FER: variants seen among roughly 807,000 people sequenced by gnomAD.
FER encodes FER tyrosine kinase.
Under a neutral mutation model 111.0 loss-of-function variants are expected in FER, and 63 were observed. The ratio of observed to expected loss-of-function variants is 0.57; its 90% CI spans 0.46 to 0.70. The LOEUF is 0.70. Among genes scored for constraint, FER ranks in the 30% least tolerant of loss-of-function variants. FER has a pLI of 0.00. For synonymous variants in FER, 327 were observed against 313.9 expected (o/e 1.04, Z -0.44); for missense variants, 914 against 954.0 (o/e 0.96, Z 0.55).
intron 16 of FER, among the ~76,000 whole-genome samples, chr5:109,067,252 TTGTTGTTGTTGC>T (rs1035306974): frequency 4.6e-5 from 7 of 151,718 alleles, no homozygotes; most frequent in African/African-American, 1.2e-4. Context: ...GTTGTTGTTG[TTGTTGTTGTTGC>T]TGTTGCTGCT....
intron 17 of FER, among the ~76,000 whole-genome samples, chr5:109,167,098 A>G (rs1756633605): frequency 6.6e-6 from 1 of 152,160 alleles, no homozygotes; most frequent in African/African-American, 2.4e-5. Context: ...CTCTTCTTAT[A>G]GAATTGAACT....
intron 13 of FER, among the ~76,000 whole-genome samples, chr5:109,021,093 C>T (rs1239986721): frequency 6.6e-6 from 1 of 151,894 alleles, no homozygotes; most frequent in African/African-American, 2.4e-5. Context: ...CATCTTTTAT[C>T]AGAAATGCCA....
chr5:109,049,542 C>G (rs533652667), intron 16 of FER, among the ~76,000 whole-genome samples: 8 of 152,080 alleles, frequency 5.3e-5, no homozygotes, highest in Non-Finnish European at 1.0e-4. Flanking sequence ...CTTTCTCTTA[C>G]GTTACTAGCT....
intron 13 of FER, among the ~76,000 whole-genome samples, chr5:109,029,981 C>T (rs1472420606): frequency 6.6e-6 from 1 of 152,010 alleles, no homozygotes; most frequent in Non-Finnish European, 1.5e-5. Flanking sequence ...CTTACAGGTT[C>T]CTAAGGTTCT....
chr5:108,758,503 A>G (rs1020144778), intron 1 of FER, among the ~76,000 whole-genome samples: 3 of 152,234 alleles, frequency 2.0e-5, no homozygotes, highest in Admixed American at 6.5e-5. Context: ...AGGTACAGAT[A>G]GACCCTCATG....
intron 17 of FER, among the ~76,000 whole-genome samples, chr5:109,154,519 T>G (rs1048244900): frequency 2.0e-5 from 3 of 151,666 alleles, no homozygotes; most frequent in Non-Finnish European, 4.4e-5. Flanking sequence ...GAAGAATGAG[T>G]GGGTTAAAGA....
rs201092702 is a variant in FER at position 108,938,026 on chromosome 5, TCACACACACACACACACACACA to T, written c.1237-8080_1237-8059del. Among the ~76,000 whole-genome samples, 28 of 130,898 alleles carry T rather than the reference TCACACACACACACACACACACA, an allele frequency of 2.1e-4. 1 individual carries two copies. The South Asian group carries it at 7.1e-3, about 33-fold the overall frequency. 85.9% of individuals were successfully genotyped at this position (130,898 alleles called of 152,430 possible). The stretch of plus-strand genomic sequence containing the variant: ...CCTCCTTTTTTTCCCTATCTCTCTC[TCACACACACACACACACACACA>T]CACACACACACACACACACACACGT... On this transcript the variant is annotated intron_variant, in intron 10 of 19. Coordinates refer to ENST00000281092, the MANE Select transcript of FER (RefSeq NM_005246.4).
intron 3 of FER, among the ~76,000 whole-genome samples, chr5:108,823,458 T>C (rs1369278152): frequency 2.6e-5 from 4 of 152,222 alleles, no homozygotes; most frequent in Non-Finnish European, 5.9e-5. Context: ...TTGTCTTTTT[T>C]ATAATAGCCA....
At chr5:108,749,526 TC>T (rs1750210458) in intron 1 of FER, among the ~76,000 whole-genome samples, 1 of 152,016 alleles carries the variant, frequency 6.6e-6, no homozygotes. Context: ...CCCCTGGTAT[TC>T]CCCCCATCCC....
At chr5:108,817,489 CA>C (rs1758407162) in intron 3 of FER, among the ~76,000 whole-genome samples, 1 of 152,010 alleles carries the variant, frequency 6.6e-6, no homozygotes, top group South Asian at 2.1e-4. Flanking sequence ...AAAATTCAAG[CA>C]AAAAGAAAGC....
At chr5:109,170,053 C>G (rs149512942) in intron 17 of FER, among the ~76,000 whole-genome samples, 2,231 of 152,224 alleles carry the variant, frequency 0.015, 35 homozygotes, top group South Asian at 0.023. Context: ...ATTATGGCAC[C>G]TTGTGCATCA....
At chr5:109,108,049 G>A (rs1280867199) in intron 17 of FER, among the ~76,000 whole-genome samples, 5 of 152,174 alleles carry the variant, frequency 3.3e-5, no homozygotes, top group Non-Finnish European at 7.3e-5. Context: ...AATCTCTTGT[G>A]TGCAAGGGGA....
At chr5:109,098,324 T>G (rs1045547240) in intron 16 of FER, among the ~76,000 whole-genome samples, 4 of 151,802 alleles carry the variant, frequency 2.6e-5, no homozygotes, top group Non-Finnish European at 5.9e-5. Context: ...GAGTACAAAG[T>G]ATTATATCAA....
At chr5:109,052,464 T>A in intron 16 of FER, 1 of 1,106,744 alleles carries the variant, frequency 9.0e-7, no homozygotes, top group East Asian at 2.3e-5. Flanking sequence ...GCATGTTGCC[T>A]GGGCACCACT....
At chr5:108,902,188 A>G (rs1750129897) in intron 10 of FER, among the ~76,000 whole-genome samples, 1 of 152,218 alleles carries the variant, frequency 6.6e-6, no homozygotes, top group South Asian at 2.1e-4. Context: ...AGAGGAAAAA[A>G]ACGGGCTATA....
At chr5:108,780,010 TTGC>T (rs1464448543) in intron 2 of FER, among the ~76,000 whole-genome samples, 7 of 152,202 alleles carry the variant, frequency 4.6e-5, no homozygotes, top group East Asian at 3.8e-4. Context: ...GAATATATTG[TTGC>T]TGCTATTTTG....
intron 9 of FER, among the ~76,000 whole-genome samples, chr5:108,889,571 G>A (rs982740349): frequency 1.4e-4 from 21 of 151,790 alleles, no homozygotes; most frequent in African/African-American, 4.8e-4. Flanking sequence ...GGGAAGTGCT[G>A]GGCAAATGAA....
At chr5:109,068,109 C>A (rs1452308422) in intron 16 of FER, among the ~76,000 whole-genome samples, 1 of 151,770 alleles carries the variant, frequency 6.6e-6, no homozygotes, top group East Asian at 1.9e-4. Context: ...GTCAGAATTT[C>A]TTTAGAAAAC....
intron 13 of FER, among the ~76,000 whole-genome samples, chr5:108,983,839 G>A (rs1762263249): frequency 6.6e-6 from 1 of 152,114 alleles, no homozygotes; most frequent in South Asian, 2.1e-4. Context: ...AGAATTATGA[G>A]ACATCTCAAA....
Sources: gnomAD v4.1 joint callset for allele counts (sites outside exome capture counted in the v4.1 genomes callset) on GRCh38, gnomAD v4.1.1 for gene constraint, MANE v1.5 for transcripts, NCBI Gene and HGNC (gene_info 2026-07-23, HGNC 2026-07-21) for gene names.